L3MBTL4: variants seen among roughly 807,000 people sequenced by gnomAD.
The protein encoded by L3MBTL4 is L3MBTL histone methyl-lysine binding protein 4.
Under a neutral mutation model 84.5 loss-of-function variants are expected in L3MBTL4, and 70 were observed. That is an observed-to-expected ratio of 0.83 (90% CI 0.68 to 1.01). The LOEUF (loss-of-function observed/expected upper bound fraction) is 1.01. Among genes scored for constraint, L3MBTL4 ranks in the 50% least tolerant of loss-of-function variants. The pLI is 0.00. For synonymous variants in L3MBTL4, 274 were observed against 259.8 expected (o/e 1.05, Z -0.52); for missense variants, 715 against 754.8 (o/e 0.95, Z 0.62).
At chr18:6,314,075 TAG>T (rs2050969587) in intron 1 of L3MBTL4, among the ~76,000 whole-genome samples, 5 of 132,046 alleles carry the variant, frequency 3.8e-5, no homozygotes, top group Middle Eastern at 3.7e-3. Flanking sequence ...GATAGATAGA[TAG>T]ATAGATAGTC....
chr18:6,318,927 G>C (rs2051263878), intron 1 of L3MBTL4, among the ~76,000 whole-genome samples: 1 of 152,014 alleles, frequency 6.6e-6, no homozygotes, highest in South Asian at 2.1e-4. Flanking sequence ...ATCATATTAA[G>C]TATCTTCCAA....
intron 16 of L3MBTL4, among the ~76,000 whole-genome samples, chr18:6,042,285 CCTT>C (rs1199317041): frequency 6.6e-6 from 1 of 152,084 alleles, no homozygotes; most frequent in Non-Finnish European, 1.5e-5. Flanking sequence ...TTCAACCTCT[CCTT>C]CTCACCAGGA....
At position 6,237,959 on chromosome 18, in the gene L3MBTL4, C is replaced by T; in HGVS notation, c.784+5G>A. ...CTTCAAAGAAAACCCAGGCAGTCCA[C>T]TCACCTTGGGGTGCTATCAGAGTTC... is the stretch of plus-strand genomic sequence containing the variant. On this transcript the variant is annotated splice_donor_5th_base_variant and intron_variant, in intron 10 of 18. Transcript: ENST00000317931. The T allele has an allele frequency of 1.2e-6, 2 of 1,613,458 alleles. No homozygotes were observed. Among genetic ancestry groups the T allele is most frequent in the Non-Finnish European group, 1.7e-6 (2 of 1,179,364 alleles).
chr18:6,303,405 A>C (rs1243113742), intron 3 of L3MBTL4, among the ~76,000 whole-genome samples: 2 of 152,100 alleles, frequency 1.3e-5, no homozygotes, highest in East Asian at 3.9e-4. Flanking sequence ...ACAGGCATGC[A>C]CCACTGCGCC....
At chr18:6,031,181 C>T (rs778738591) in intron 16 of L3MBTL4, 34 of 985,244 alleles carry the variant, frequency 3.5e-5, no homozygotes, top group Non-Finnish European at 3.5e-5. Context: ...CCTCCTCCCC[C>T]GTGGGAGTAG....
chr18:6,175,625 A>G (rs2044193901), intron 12 of L3MBTL4, among the ~76,000 whole-genome samples: 1 of 152,224 alleles, frequency 6.6e-6, no homozygotes, highest in Non-Finnish European at 1.5e-5. Context: ...AAAGTATTTG[A>G]CAAAGTTCAA....
intron 16 of L3MBTL4, among the ~76,000 whole-genome samples, chr18:6,056,013 A>C (rs895573491): frequency 7.2e-5 from 11 of 152,108 alleles, no homozygotes; most frequent in Non-Finnish European, 1.6e-4. Flanking sequence ...AGCCAGGCGG[A>C]AAACGCCTCA....
rs530453260 is a variant in L3MBTL4, at chr18:6,123,061, G to A, written c.1199+15133C>T. Among the ~76,000 whole-genome samples, 4 of 152,200 alleles carry A rather than the reference G, an allele frequency of 2.6e-5. No individual in the cohort carries two copies. In the East Asian group the frequency reaches 7.7e-4, roughly 29 times the overall value. ...TCCTGTGCCTAGTAGATAATGGAAG[G>A]GTCATTAATCTTGATTCTTGAGGCA... On this transcript the variant is annotated intron_variant, in intron 14 of 18. Transcript: ENST00000317931.
chr18:6,153,225 T>C (rs138954353), intron 13 of L3MBTL4, among the ~76,000 whole-genome samples: 1 of 152,326 alleles, frequency 6.6e-6, no homozygotes, highest in East Asian at 1.9e-4. Context: ...CTTTTGTAGC[T>C]CCATGAGACA....
At position 6,272,611 on chromosome 18, in the gene L3MBTL4, G is replaced by A. The variant is rs1280033531; in HGVS notation, c.128-8573C>T. On this transcript the variant is annotated intron_variant, in intron 4 of 18. Transcript: ENST00000317931. ...TAAACTGGTGGTTCTACAGAGCGGC[G>A]CCTTCAGGAGCACGGGGAAAGGGGG... Among the ~76,000 whole-genome samples, 112 of 56,422 alleles carry A rather than the reference G, an allele frequency of 2.0e-3. 1 individual carries two copies. Among genetic ancestry groups the A allele is most frequent in the Middle Eastern group, 8.6e-3 (1 of 116 alleles). The allele number at this position is 56,422 out of a possible 152,430, so 37.0% of individuals were successfully genotyped here.
chr18:6,234,970 T>C (rs1030193389), intron 10 of L3MBTL4, among the ~76,000 whole-genome samples: 4 of 152,110 alleles, frequency 2.6e-5, no homozygotes, highest in African/African-American at 9.7e-5. Context: ...ATATACACCA[T>C]GAAATACTAT....
chr18:6,083,581 T>A (rs1044518008), intron 15 of L3MBTL4, among the ~76,000 whole-genome samples: 4 of 152,184 alleles, frequency 2.6e-5, no homozygotes, highest in African/African-American at 9.7e-5. Context: ...AAGATTAATA[T>A]TTCATTTGTG....
At chr18:6,208,163 T>TAAATAAA (rs2045953085) in intron 12 of L3MBTL4, among the ~76,000 whole-genome samples, 6 of 141,226 alleles carry the variant, frequency 4.2e-5, no homozygotes, top group Non-Finnish European at 7.8e-5. Context: ...AAATAAATAA[T>TAAATAAA]GCATTCCAGT....
chr18:5,994,062 C>T (rs535785792), intron 16 of L3MBTL4, among the ~76,000 whole-genome samples: 2 of 152,206 alleles, frequency 1.3e-5, no homozygotes, highest in Admixed American at 6.5e-5. Flanking sequence ...GTTCATGCCC[C>T]TTTCTCTTCC....
intron 1 of L3MBTL4, chr18:6,397,351 G>A (rs1453983221): frequency 6.6e-6 from 1 of 152,166 alleles, no homozygotes; most frequent in African/African-American, 2.4e-5. Context: ...GAAAACTAAT[G>A]TTAACTGTTG....
At chr18:6,006,045 C>G (rs1478931208) in intron 16 of L3MBTL4, among the ~76,000 whole-genome samples, 1 of 151,434 alleles carries the variant, frequency 6.6e-6, no homozygotes, top group Non-Finnish European at 1.5e-5. Context: ...GAAGCCACAT[C>G]TATAACATAT....
intron 14 of L3MBTL4, among the ~76,000 whole-genome samples, chr18:6,123,854 T>C (rs1415593078): frequency 1.4e-4 from 22 of 152,250 alleles, no homozygotes; most frequent in Non-Finnish European, 2.9e-5. Context: ...CACCTGAAAC[T>C]GTTTTTACTT....
intron 16 of L3MBTL4, among the ~76,000 whole-genome samples, chr18:6,035,005 T>C (rs1337440375): frequency 1.3e-5 from 2 of 151,894 alleles, no homozygotes; most frequent in African/African-American, 4.8e-5. Flanking sequence ...GTTTGTTTTT[T>C]TCTTGTAAAT....
intron 1 of L3MBTL4, among the ~76,000 whole-genome samples, chr18:6,326,273 A>T (rs2051712864): frequency 1.3e-5 from 2 of 152,212 alleles, no homozygotes; most frequent in East Asian, 3.8e-4. Flanking sequence ...AAGAATATCC[A>T]AGGCTCAGAG....
Sources: allele counts gnomAD v4.1 joint callset (sites outside exome capture counted in the v4.1 genomes callset), GRCh38; gene constraint gnomAD v4.1.1; transcripts MANE v1.5; gene names NCBI Gene and HGNC (gene_info 2026-07-23, HGNC 2026-07-21).